Variants in COG5 observed in about 807,000 individuals in gnomAD.
COG5 encodes the protein conserved oligomeric Golgi complex subunit 5.
Under a neutral mutation model 110.4 loss-of-function variants are expected in COG5, and 86 were observed. The observed-to-expected ratio is 0.78, with a 90% CI of 0.65 to 0.93. COG5 has a LOEUF of 0.93. COG5 is among the 40% of genes least tolerant of loss of function. The pLI, the probability that COG5 is intolerant of heterozygous loss-of-function variation, is 0.00. For synonymous variants in COG5, 360 were observed against 334.6 expected (o/e 1.08, Z -0.83); for missense variants, 1,077 against 987.0 (o/e 1.09, Z -1.22).
intron 7 of COG5, among the ~76,000 whole-genome samples, chr7:107,409,560 T>C (rs1424463200): frequency 6.6e-6 from 1 of 152,194 alleles, no homozygotes; most frequent in Non-Finnish European, 1.5e-5. Context: ...CATAATAAGA[T>C]ATAACTAAGT....
intron 7 of COG5, among the ~76,000 whole-genome samples, chr7:107,378,549 C>G (rs928101164): frequency 1.2e-4 from 18 of 152,070 alleles, no homozygotes; most frequent in African/African-American, 4.3e-4. Context: ...AAATCGCTAA[C>G]TAGAATAATC....
chr7:107,544,748 C>T (rs564522535), intron 5 of COG5, among the ~76,000 whole-genome samples: 3 of 152,304 alleles, frequency 2.0e-5, no homozygotes, highest in Admixed American at 1.3e-4. Context: ...ACAAGAATCA[C>T]AATCAGGGAA....
At chr7:107,539,630 T>A (rs756247250) in intron 5 of COG5, among the ~76,000 whole-genome samples, 1 of 152,152 alleles carries the variant, frequency 6.6e-6, no homozygotes, top group Non-Finnish European at 1.5e-5. Flanking sequence ...AATATTATAG[T>A]ATAATTAGAT....
chr7:107,289,686 A>C (rs143599110), intron 12 of COG5, among the ~76,000 whole-genome samples: 11 of 152,298 alleles, frequency 7.2e-5, no homozygotes, highest in African/African-American at 2.2e-4. Flanking sequence ...AATATTTTAC[A>C]GTTTTATGAG....
chr7:107,432,739 A>G (rs548842661), intron 6 of COG5, among the ~76,000 whole-genome samples: 1 of 152,184 alleles, frequency 6.6e-6, no homozygotes, highest in Non-Finnish European at 1.5e-5. Context: ...TGTACTATAA[A>G]AAGTCCAGGG....
intron 16 of COG5, among the ~76,000 whole-genome samples, chr7:107,248,986 T>C (rs1314116484): frequency 6.6e-6 from 1 of 152,206 alleles, no homozygotes; most frequent in Admixed American, 6.5e-5. Flanking sequence ...ATTTATTATA[T>C]AGGAGTTTGT....
At chr7:107,521,380 T>C (rs1190909296) in intron 6 of COG5, among the ~76,000 whole-genome samples, 4 of 152,054 alleles carry the variant, frequency 2.6e-5, no homozygotes, top group African/African-American at 9.7e-5. Context: ...GAAGAAAAAT[T>C]TTGCAATCTA....
intron 7 of COG5, among the ~76,000 whole-genome samples, chr7:107,399,313 T>C (rs192549004): frequency 5.0e-4 from 76 of 152,248 alleles, no homozygotes; most frequent in Non-Finnish European, 7.5e-4. Flanking sequence ...ATTTATGATA[T>C]GGTTTGGCAG....
At chr7:107,434,945 G>A (rs554890406) in intron 6 of COG5, among the ~76,000 whole-genome samples, 32 of 151,322 alleles carry the variant, frequency 2.1e-4, no homozygotes, top group African/African-American at 7.5e-4. Flanking sequence ...ACTCCAACCT[G>A]GACGACAGAG....
intron 6 of COG5, among the ~76,000 whole-genome samples, chr7:107,428,619 G>A (rs1793806834): frequency 6.6e-6 from 1 of 152,172 alleles, no homozygotes; most frequent in African/African-American, 2.4e-5. Flanking sequence ...GAATAATTCT[G>A]TTGTTTTAAG....
intron 6 of COG5, among the ~76,000 whole-genome samples, chr7:107,470,659 T>G (rs1796580879): frequency 6.6e-6 from 1 of 152,104 alleles, no homozygotes; most frequent in African/African-American, 2.4e-5. Flanking sequence ...CTTTGTAAAT[T>G]CATTATGAAG....
At chr7:107,501,050 G>A (rs930094227) in intron 6 of COG5, among the ~76,000 whole-genome samples, 3 of 151,910 alleles carry the variant, frequency 2.0e-5, no homozygotes, top group South Asian at 2.1e-4. Context: ...AATTATCTTG[G>A]CAATGAAAAG....
chr7:107,336,971 T>C (rs77224103), intron 10 of COG5, among the ~76,000 whole-genome samples: 9,710 of 151,812 alleles, frequency 0.064, 401 homozygotes, highest in Non-Finnish European at 0.095. Flanking sequence ...AATAATCCCA[T>C]TAAAAAGTGG....
chr7:107,442,096 T>C (rs183099745), intron 6 of COG5, among the ~76,000 whole-genome samples: 17 of 152,308 alleles, frequency 1.1e-4, no homozygotes, highest in Admixed American at 4.6e-4. Context: ...TCTTCAATGT[T>C]GGAGGAGGGG....
chr7:107,256,828 C>A (rs190091716), intron 15 of COG5, 34 bp from the exon 16 acceptor site: 56 of 1,503,432 alleles, frequency 3.7e-5, no homozygotes, highest in Non-Finnish European at 5.0e-5. Flanking sequence ...TATAGTTTCG[C>A]TTAAGTCTAT....
chr7:107,361,497 T>C (rs1385421020), intron 10 of COG5, among the ~76,000 whole-genome samples: 1 of 152,202 alleles, frequency 6.6e-6, no homozygotes, highest in African/African-American at 2.4e-5. Flanking sequence ...ATTACAGAAA[T>C]TAATCTATAA....
In COG5 at chr7:107,488,142, A is replaced by C. The variant is rs140774878; in HGVS notation, c.538+39095T>G. On this transcript the variant is annotated intron_variant, in intron 6 of 21. Coordinates refer to ENST00000297135, the MANE Select transcript of COG5 (RefSeq NM_006348.5). ...TTTAAAAATATACAAAATTGAGCTG[A>C]TTATTCCAAGCCCATTTATTTAAAA... 1.2e-3 allele frequency among the ~76,000 whole-genome samples: 177 copies of C among 151,192 alleles called. 1 individual carries two copies. The highest frequency in any genetic ancestry group is 4.1e-3 in the African/African-American group (170 of 41,516).
At chr7:107,236,719 C>G in intron 17 of COG5, 32 bp from the exon 18 acceptor site, 4 of 1,369,482 alleles carry the variant, frequency 2.9e-6, no homozygotes, top group Non-Finnish European at 4.2e-6. Flanking sequence ...TTTTCAGCAC[C>G]GCTGCACTAA....
chr7:107,404,885 GAAA>G (rs59988899), intron 7 of COG5, among the ~76,000 whole-genome samples: 33 of 32,404 alleles, frequency 1.0e-3, no homozygotes, highest in African/African-American at 2.9e-3. Context: ...TTCAGAAGAT[GAAA>G]AAAAAAAAAA....
Sources: gnomAD v4.1 joint callset for allele counts (sites outside exome capture counted in the v4.1 genomes callset) on GRCh38, gnomAD v4.1.1 for gene constraint, MANE v1.5 for transcripts, NCBI Gene and HGNC (gene_info 2026-07-23, HGNC 2026-07-21) for gene names.